MGAM2: variants seen among roughly 807,000 people sequenced by gnomAD.
The protein encoded by MGAM2 is maltase-glucoamylase 2 (putative).
Under a neutral mutation model 96.1 loss-of-function variants are expected in MGAM2, and 98 were observed. The ratio of observed to expected loss-of-function variants is 1.02; its 90% CI spans 0.87 to 1.21. The LOEUF is 1.21. Among genes scored for constraint, MGAM2 ranks in the 50% most tolerant of loss-of-function variants. The probability of loss-of-function intolerance (pLI) is 0.00; values close to 1 mark genes in which losing one functional copy is unlikely to be tolerated. For synonymous variants in MGAM2, 749 were observed against 414.8 expected (o/e 1.81, Z -9.79); for missense variants, 2,055 against 1,182.4 (o/e 1.74, Z -10.82).
rs766289494 is a variant in MGAM2 at position 142,138,667 on chromosome 7, T to A, written c.1086T>A (p.Tyr362Ter). 2 of 701,204 alleles carry A rather than the reference T, an allele frequency of 2.9e-6. No individual in the cohort carries two copies. Among genetic ancestry groups the A allele is most frequent in the African/African-American group, 1.7e-5 (1 of 57,280 alleles). 43.4% of individuals were successfully genotyped at this position (701,204 alleles called of 1,614,324 possible). A position where few individuals can be genotyped will look rare whatever the true frequency, so the allele number is the denominator to read the frequency against. ...VSRNRLAEIP[Y>*]DVQYSDIDYM... ...GAAATCGTTTAGCTGAGATACCATATGTAAGTCGAAACTTCTTTTACCATG... is the reference window on the plus strand; with the variant it reads ...GAAATCGTTTAGCTGAGATACCATAAGTAAGTCGAAACTTCTTTTACCATG... The change falls in exon 10 of 48, where the codon TAT (tyrosine) becomes TAA (stop). Residue 362 changes from tyrosine (Y) to a stop codon, truncating the protein, a stop_gained and splice_region_variant. Coordinates refer to ENST00000477922, the MANE Select transcript of MGAM2 (RefSeq NM_001293626.2). LOFTEE classifies it high-confidence loss of function.
intron 45 of MGAM2, among the ~76,000 whole-genome samples, chr7:142,200,708 A>T (rs1467522483): frequency 6.6e-6 from 1 of 152,186 alleles, no homozygotes; most frequent in East Asian, 1.9e-4. Flanking sequence ...ATATTTCTAG[A>T]GATTCCTTCT....
At chr7:142,207,728 C>T (rs879570738) in intron 45 of MGAM2, among the ~76,000 whole-genome samples, 17 of 151,980 alleles carry the variant, frequency 1.1e-4, no homozygotes, top group Non-Finnish European at 1.5e-5. Context: ...CGCGCCCAGC[C>T]CAGCAAAGGC....
chr7:142,189,195 A>G (rs1049738907), intron 36 of MGAM2, among the ~76,000 whole-genome samples, 172 bp from the exon 37 acceptor site: 2 of 152,212 alleles, frequency 1.3e-5, no homozygotes. Flanking sequence ...CTTACCCTTC[A>G]TTAGTTATAA....
At chr7:142,145,566 T>C (rs1279359189) in intron 14 of MGAM2, among the ~76,000 whole-genome samples, 1 of 152,144 alleles carries the variant, frequency 6.6e-6, no homozygotes, top group Non-Finnish European at 1.5e-5. Flanking sequence ...AGTGGCAGTA[T>C]AGAATACACT....
chr7:142,219,175 A>G (rs935105173), intron 47 of MGAM2, among the ~76,000 whole-genome samples: 15 of 152,198 alleles, frequency 9.9e-5, no homozygotes, highest in African/African-American at 3.4e-4. Flanking sequence ...TTTAGAACAT[A>G]AGACAACATA....
intron 3 of MGAM2, among the ~76,000 whole-genome samples, chr7:142,120,744 C>A (rs776800577): frequency 2.0e-5 from 3 of 152,076 alleles, no homozygotes; most frequent in Non-Finnish European, 2.9e-5. Context: ...TAAGCACATG[C>A]AAATAGGGAA....
At chr7:142,198,762 A>G (rs760788666) in intron 44 of MGAM2, 23 bp downstream of exon 44, 11 of 701,482 alleles carry the variant, frequency 1.6e-5, no homozygotes, top group Non-Finnish European at 2.9e-5. Context: ...GGCAATGTCT[A>G]ACAGCCTCTT....
intron 17 of MGAM2, among the ~76,000 whole-genome samples, chr7:142,156,538 CAAT>C (rs1459044978): frequency 6.6e-6 from 1 of 152,176 alleles, no homozygotes; most frequent in African/African-American, 2.4e-5. Flanking sequence ...TCCTCAGTCT[CAAT>C]AAACATAGTT....
chr7:142,144,690 A>T lies in MGAM2; in HGVS notation c.1432-171A>T, dbSNP rs544919357. ...ATATATAACCTAATCCAATGACTCA[A>T]TTTTATAAAAGATGAAACAGAGGGT... On this transcript the variant is annotated intron_variant, in intron 13 of 47. Coordinates refer to ENST00000477922, the MANE Select transcript of MGAM2 (RefSeq NM_001293626.2). 7.9e-5 allele frequency among the ~76,000 whole-genome samples: 12 copies of T among 152,334 alleles called. No homozygotes were observed. In the South Asian group the frequency reaches 2.3e-3, roughly 29 times the overall value.
At chr7:142,141,241 T>G (rs117303053) in intron 12 of MGAM2, 122 bp downstream of exon 12, 18,676 of 575,910 alleles carry the variant, frequency 0.032, 424 homozygotes, top group Non-Finnish European at 0.043. Context: ...AGAGGTTTCT[T>G]TTATTACTAT....
chr7:142,135,154 G>A (rs1336830190), intron 7 of MGAM2, among the ~76,000 whole-genome samples: 1 of 152,158 alleles, frequency 6.6e-6, no homozygotes, highest in East Asian at 1.9e-4. Context: ...TTTGCAATTC[G>A]TATTTGGCAG....
rs72092512 is a variant in MGAM2, at chr7:142,201,071, C to CTTTTTTTTTTTTTT, written c.5137+1113_5137+1114insTTTTTTTTTTTTTT. ...CATTGTTATAAATAACATCCTTTTTCTTTTTTTTTTCTTTTTTTTTTTTTT... is the reference window on the plus strand; with the variant it reads ...CATTGTTATAAATAACATCCTTTTTCTTTTTTTTTTTTTTTTTTTTTTTTCTTTTTTTTTTTTTT... On this transcript the variant is annotated intron_variant, in intron 45 of 47. Transcript: ENST00000477922. Among the ~76,000 whole-genome samples, 28 of 84,362 alleles carry CTTTTTTTTTTTTTT rather than the reference C, an allele frequency of 3.3e-4. 5 individuals carry two copies. Among genetic ancestry groups the CTTTTTTTTTTTTTT allele is most frequent in the Admixed American group, 5.0e-4 (3 of 5,996 alleles). 55.3% of individuals were successfully genotyped at this position (84,362 alleles called of 152,430 possible). A position where few individuals can be genotyped will look rare whatever the true frequency, so the allele number is the denominator to read the frequency against.
At chr7:142,139,659 C>CAAAAA (rs765007343) in intron 10 of MGAM2, among the ~76,000 whole-genome samples, 3 of 54,592 alleles carry the variant, frequency 5.5e-5, no homozygotes, top group Non-Finnish European at 7.6e-5. Context: ...GGCTCTATCT[C>CAAAAA]AAAAAAAAAA....
chr7:142,125,148 A>G (rs1385044220), intron 3 of MGAM2, among the ~76,000 whole-genome samples: 1 of 152,166 alleles, frequency 6.6e-6, no homozygotes, highest in East Asian at 1.9e-4. Flanking sequence ...CTTCCTGGAG[A>G]CTGATTTTAA....
intron 38 of MGAM2, 72 bp downstream of exon 38, chr7:142,196,359 G>T: frequency 1.5e-6 from 1 of 663,808 alleles, no homozygotes; most frequent in South Asian, 1.7e-5. Flanking sequence ...CAACAGCACT[G>T]GTTATGTCTC....
intron 33 of MGAM2, 102 bp from the exon 34 acceptor site, chr7:142,184,975 C>T (rs889268559): frequency 2.6e-5 from 14 of 536,360 alleles, no homozygotes; most frequent in African/African-American, 7.6e-5. Flanking sequence ...GATTCCCAAG[C>T]GTTTCATGGA....
rs1796262726 is a variant in MGAM2 at position 142,173,378 on chromosome 7, A to T, written c.3687+24A>T. Reference sequence around the variant, plus strand: ...ATGTATGAAACCCTCACTCAGCCCAAGGTGTAATTAGTTACAGGAATTTGT... The same window carrying T: ...ATGTATGAAACCCTCACTCAGCCCATGGTGTAATTAGTTACAGGAATTTGT... On this transcript the variant is annotated intron_variant, in intron 31 of 47. Coordinates refer to ENST00000477922, the MANE Select transcript of MGAM2 (RefSeq NM_001293626.2). The T allele has an allele frequency of 7.2e-6, 5 of 697,784 alleles. No homozygotes were observed. The East Asian group carries it at 1.3e-4, about 19-fold the overall frequency. 43.2% of individuals were successfully genotyped at this position (697,784 alleles called of 1,614,324 possible).
intron 3 of MGAM2, among the ~76,000 whole-genome samples, chr7:142,121,975 A>G (rs1236054863): frequency 6.6e-6 from 1 of 152,130 alleles, no homozygotes; most frequent in African/African-American, 2.4e-5. Context: ...ATCAAGCACA[A>G]AGTTAGCTAT....
At chr7:142,195,999 G>A (rs1797021615) in intron 37 of MGAM2, among the ~76,000 whole-genome samples, 155 bp from the exon 38 acceptor site, 1 of 152,146 alleles carries the variant, frequency 6.6e-6, no homozygotes, top group Non-Finnish European at 1.5e-5. Context: ...AGTTTGTTGG[G>A]ATCTTTAGCA....
Sources: gnomAD v4.1 joint callset for allele counts (sites outside exome capture counted in the v4.1 genomes callset) on GRCh38, gnomAD v4.1.1 for gene constraint, MANE v1.5 for transcripts, NCBI Gene and HGNC (gene_info 2026-07-23, HGNC 2026-07-21) for gene names.